Variants in PTPRM observed in about 807,000 individuals in gnomAD.
The protein encoded by PTPRM is receptor-type tyrosine-protein phosphatase mu.
Under a neutral mutation model 186.7 loss-of-function variants are expected in PTPRM, and 47 were observed. That is an observed-to-expected ratio of 0.25 (90% CI 0.20 to 0.32). The LOEUF is 0.32. Among genes scored for constraint, PTPRM ranks in the 10% least tolerant of loss-of-function variants. The pLI, the probability that PTPRM is intolerant of heterozygous loss-of-function variation, is 1.00. For synonymous variants in PTPRM, 668 were observed against 674.9 expected (o/e 0.99, Z 0.16); for missense variants, 1,494 against 1,865.0 (o/e 0.80, Z 3.66).
chr18:8,184,283 TCTC>T (rs1227952765), intron 14 of PTPRM, among the ~76,000 whole-genome samples: 1 of 152,160 alleles, frequency 6.6e-6, no homozygotes, highest in Non-Finnish European at 1.5e-5. Flanking sequence ...TATTTCATCT[TCTC>T]TGTTTCACTG....
At chr18:7,600,356 T>C (rs2037370255) in intron 1 of PTPRM, among the ~76,000 whole-genome samples, 1 of 152,332 alleles carries the variant, frequency 6.6e-6, no homozygotes. Flanking sequence ...ATGATCATCC[T>C]ACAGAGCTCT....
At chr18:8,205,166 T>C (rs1042546831) in intron 14 of PTPRM, among the ~76,000 whole-genome samples, 1 of 152,172 alleles carries the variant, frequency 6.6e-6, no homozygotes, top group Non-Finnish European at 1.5e-5. Context: ...AGCTGAAATA[T>C]TAAAACATTA....
chr18:8,252,499 G>C lies in PTPRM; in HGVS notation c.2566G>C (p.Asp856His). 6.5e-7 allele frequency: 1 copy of C among 1,549,932 alleles called. No homozygotes were observed. The highest frequency in any genetic ancestry group is 8.9e-7 in the Non-Finnish European group (1 of 1,121,680). Reference protein sequence around the residue: ...VPTAILVPINDETHTMASDTS... With the variant: ...VPTAILVPINHETHTMASDTS... ...TATCTTCTTAAAAGTGCCAATAAAT[G>C]GTAAGTTCCCCGATTCGCCCCATGG... Residue 856 changes from aspartate (D) to histidine (H), a missense_variant and splice_region_variant, in exon 18 of 33, where the codon GAT becomes CAT. Transcript: ENST00000580170.
chr18:8,305,278 G>T (rs2147955714), intron 20 of PTPRM, among the ~76,000 whole-genome samples: 1 of 152,252 alleles, frequency 6.6e-6, no homozygotes, highest in African/African-American at 2.4e-5. Context: ...GCAGTCCTTG[G>T]CATGGATTCA....
chr18:8,241,716 G>A (rs760838014), intron 14 of PTPRM, among the ~76,000 whole-genome samples: 1 of 152,156 alleles, frequency 6.6e-6, no homozygotes, highest in Non-Finnish European at 1.5e-5. Flanking sequence ...GTCCCAGGGA[G>A]ACATTCATGT....
At chr18:7,901,605 C>T (rs1306289681) in intron 3 of PTPRM, among the ~76,000 whole-genome samples, 1 of 152,120 alleles carries the variant, frequency 6.6e-6, no homozygotes, top group Non-Finnish European at 1.5e-5. Flanking sequence ...ACCTTGTGAT[C>T]CACTCACCTT....
intron 7 of PTPRM, among the ~76,000 whole-genome samples, chr18:8,045,581 G>A (rs1023461602): frequency 1.2e-4 from 19 of 152,176 alleles, no homozygotes; most frequent in Non-Finnish European, 2.6e-4. Flanking sequence ...ACCACATTTT[G>A]TATGATTCCA....
At chr18:8,326,068 G>A (rs2095374298) in intron 22 of PTPRM, among the ~76,000 whole-genome samples, 1 of 152,120 alleles carries the variant, frequency 6.6e-6, no homozygotes, top group African/African-American at 2.4e-5. Context: ...ATAGACTCTG[G>A]ATATTAGACC....
chr18:7,613,760 A>G (rs908241471), intron 1 of PTPRM, among the ~76,000 whole-genome samples: 1 of 152,194 alleles, frequency 6.6e-6, no homozygotes, highest in African/African-American at 2.4e-5. Context: ...ATTCCAGTGC[A>G]AGGAAAAGGT....
chr18:8,152,712 C>CTT (rs35112154), intron 14 of PTPRM, among the ~76,000 whole-genome samples: 1,160 of 57,008 alleles, frequency 0.02, 6 homozygotes, highest in Non-Finnish European at 0.023. Flanking sequence ...TGCCTCACCT[C>CTT]TTTTTTTTTT....
intron 20 of PTPRM, among the ~76,000 whole-genome samples, chr18:8,307,574 C>T (rs937621347): frequency 1.3e-5 from 2 of 152,182 alleles, no homozygotes; most frequent in African/African-American, 4.8e-5. Flanking sequence ...GAGGCCAAGG[C>T]AGGCAGATCA....
chr18:8,076,935 TAGA>T (rs2089854308), intron 9 of PTPRM, among the ~76,000 whole-genome samples: 1 of 152,202 alleles, frequency 6.6e-6, no homozygotes, highest in Non-Finnish European at 1.5e-5. Context: ...TACTGAATTA[TAGA>T]AGGACACTGA....
intron 5 of PTPRM, among the ~76,000 whole-genome samples, chr18:7,942,938 G>A (rs772990054): frequency 6.6e-6 from 1 of 152,124 alleles, no homozygotes; most frequent in Non-Finnish European, 1.5e-5. Flanking sequence ...TCTTGCACCT[G>A]ACACATTTTT....
chr18:8,228,965 T>C (rs1262142676), intron 14 of PTPRM, among the ~76,000 whole-genome samples: 1 of 152,164 alleles, frequency 6.6e-6, no homozygotes, highest in African/African-American at 2.4e-5. Context: ...TGAAAAGTGG[T>C]AGACCATAGG....
At chr18:8,220,900 C>A (rs539608543) in intron 14 of PTPRM, among the ~76,000 whole-genome samples, 48 of 152,166 alleles carry the variant, frequency 3.2e-4, no homozygotes, top group Non-Finnish European at 1.2e-4. Flanking sequence ...TATAATCATT[C>A]ATGAGATCCA....
At chr18:7,648,774 A>G (rs2038626176) in intron 1 of PTPRM, among the ~76,000 whole-genome samples, 2 of 152,230 alleles carry the variant, frequency 1.3e-5, no homozygotes, top group African/African-American at 4.8e-5. Flanking sequence ...TTTCCAGAAC[A>G]TAAAAGTGCA....
In PTPRM at chr18:8,279,104, CA is replaced by C. The variant is rs551984104; in HGVS notation, c.2755-17255del. 1.4e-3 allele frequency among the ~76,000 whole-genome samples: 211 copies of C among 149,856 alleles called. 1 individual carries two copies. The highest frequency in any genetic ancestry group is 4.9e-3 in the African/African-American group (202 of 40,916). ...CAAATATATATATATATAAACAAAA[CA>C]AAAAAAAACTCTTTAGGAAGGTTGT... On this transcript the variant is annotated intron_variant, in intron 19 of 32. Coordinates refer to ENST00000580170, the MANE Select transcript of PTPRM (RefSeq NM_001105244.2).
chr18:7,884,513 C>CAGAACCCCTGCCAGAGG (rs2048669996), intron 2 of PTPRM, among the ~76,000 whole-genome samples: 1 of 152,138 alleles, frequency 6.6e-6, no homozygotes, highest in Non-Finnish European at 1.5e-5. Context: ...AATTGCCTCC[C>CAGAACCCCTGCCAGAGG]AAGGACCTGA....
chr18:8,191,839 A>T (rs1568493395), intron 14 of PTPRM, among the ~76,000 whole-genome samples: 1 of 152,098 alleles, frequency 6.6e-6, no homozygotes, highest in Non-Finnish European at 1.5e-5. Context: ...AAACAAGCTC[A>T]CCCTGAGATT....
Sources: gnomAD v4.1 joint callset for allele counts (sites outside exome capture counted in the v4.1 genomes callset) on GRCh38, gnomAD v4.1.1 for gene constraint, MANE v1.5 for transcripts, NCBI Gene and HGNC (gene_info 2026-07-23, HGNC 2026-07-21) for gene names.